Variants in HHIPL1 observed in about 807,000 individuals in gnomAD.
HHIPL1 encodes HHIP-like protein 1.
In HHIPL1, 43 loss-of-function variants were observed where a neutral mutation model predicts 61.8. The ratio of observed to expected loss-of-function variants is 0.70; its 90% CI spans 0.55 to 0.90. The LOEUF is 0.90. Ranked by LOEUF, HHIPL1 falls within the 40% of genes least tolerant of loss-of-function variation. HHIPL1 has a pLI of 0.00. For missense variants in HHIPL1, 1,056 were observed against 1,157.7 expected (o/e 0.91, Z 1.28); for synonymous variants, 482 against 515.8 (o/e 0.93, Z 0.89).
chr14:99,662,158 A>G (rs1057499265), intron 5 of HHIPL1, among the ~76,000 whole-genome samples: 4 of 152,140 alleles, frequency 2.6e-5, no homozygotes, highest in African/African-American at 9.7e-5. Context: ...AGAGATGAAT[A>G]GGACCCCTCG....
At position 99,653,876 on chromosome 14, in the gene HHIPL1, CAGTT is replaced by C. The variant is rs1167899615; in HGVS notation, c.902+1008_902+1011del. Among the ~76,000 whole-genome samples, 6 of 152,320 alleles carry C rather than the reference CAGTT, an allele frequency of 3.9e-5. No individual in the cohort carries two copies. The South Asian group carries it at 8.3e-4, about 21-fold the overall frequency. On this transcript the variant is annotated intron_variant, in intron 2 of 8. Coordinates refer to ENST00000330710, the MANE Select transcript of HHIPL1 (RefSeq NM_001127258.3). ...ATAGGTAGAATTTGATCCTGGGAGT[CAGTT>C]ACTCATGTGTTAGAAATGATAAAAG...
upstream of HHIPL1, among the ~76,000 whole-genome samples, chr14:99,642,637 T>G (rs1476317728): frequency 6.6e-6 from 1 of 151,796 alleles, no homozygotes; most frequent in Non-Finnish European, 1.5e-5. Flanking sequence ...GCCATTCTCC[T>G]GCCTCGGCCT....
chr14:99,663,128 G>A, intron 6 of HHIPL1, 107 bp downstream of exon 6: 1 of 1,107,120 alleles, frequency 9.0e-7, no homozygotes, highest in Non-Finnish European at 1.3e-6. Flanking sequence ...ACACAGGCCT[G>A]AAATTAGTTC....
At position 99,675,432 on chromosome 14, in the gene HHIPL1, G is replaced by C. The variant is rs908293012; in HGVS notation, c.2155G>C (p.Ala719Pro). 3 of 1,536,618 alleles carry C rather than the reference G, an allele frequency of 2.0e-6. No homozygotes were observed. Among genetic ancestry groups the C allele is most frequent in the Non-Finnish European group, 2.6e-6 (3 of 1,145,260 alleles). The change falls in exon 9 of 9, where the codon GCC becomes CCC. Residue 719 changes from alanine to proline, a missense_variant. Coordinates refer to ENST00000330710, the MANE Select transcript of HHIPL1 (RefSeq NM_001127258.3). The surrounding 1 kb of genome is among the most constrained non-coding windows in gnomAD (Gnocchi z 5.4). ...CGTCGTGTGTCGCCAGCTGGGGTTT[G>C]CCTACGCCGTGCGCGCCGTCAAGAG... is the stretch of plus-strand genomic sequence containing the variant. ...AAVVCRQLGFAYAVRAVKRAE... is the reference protein window; with the variant it reads ...AAVVCRQLGFPYAVRAVKRAE...
chr14:99,611,010 C>A, the HHIPL1 span, among the ~76,000 whole-genome samples: 3 of 152,328 alleles, frequency 2.0e-5, no homozygotes, highest in South Asian at 6.2e-4. Flanking sequence ...CCCTGTCCCC[C>A]ACTTTAAAAA....
the HHIPL1 span, among the ~76,000 whole-genome samples, chr14:99,616,158 C>A: frequency 6.6e-6 from 1 of 152,224 alleles, no homozygotes; most frequent in Admixed American, 6.5e-5. Flanking sequence ...TTTAGACACA[C>A]AAATTCTTGC....
chr14:99,644,013 C>G (rs1270911358), upstream of HHIPL1, among the ~76,000 whole-genome samples: 1 of 152,152 alleles, frequency 6.6e-6, no homozygotes, highest in South Asian at 2.1e-4. Flanking sequence ...GCTTCAAGTC[C>G]CTGCGTTAAA....
chr14:99,666,913 C>CAGCTGTGTAACT (rs2056255182), intron 6 of HHIPL1, among the ~76,000 whole-genome samples: 1 of 152,064 alleles, frequency 6.6e-6, no homozygotes, highest in South Asian at 2.1e-4. Context: ...GGGTCTACCC[C>CAGCTGTGTAACT]GGTTACACAA....
chr14:99,616,133 T>C, the HHIPL1 span, among the ~76,000 whole-genome samples: 2,500 of 152,346 alleles, frequency 0.016, 40 homozygotes, highest in Non-Finnish European at 0.024. Flanking sequence ...GTGTTCTTAC[T>C]GTACCTTTTC....
the HHIPL1 span, among the ~76,000 whole-genome samples, chr14:99,635,574 T>A: frequency 1.3e-5 from 2 of 152,220 alleles, no homozygotes; most frequent in East Asian, 3.9e-4. Context: ...TCTGAAGGCA[T>A]CATTAGTTCT....
chr14:99,668,243 CAG>C lies in HHIPL1; in HGVS notation c.1671_1672del (p.Glu559AlafsTer15), dbSNP rs2056278222. 2 of 1,611,722 alleles carry C rather than the reference CAG, an allele frequency of 1.2e-6. No homozygotes were observed. The highest frequency in any genetic ancestry group is 1.7e-6 in the Non-Finnish European group (2 of 1,177,868). On this transcript the variant is annotated frameshift_variant, in exon 7 of 9. Transcript: ENST00000330710. LOFTEE classifies it high-confidence loss of function. The surrounding 1 kb of genome is among the most constrained non-coding windows in gnomAD (Gnocchi z 4.7). ...AAAGGGGAGCTGTACTTCATGTCGA[CAG>C]GGGAGCCGAGTGCCACAGCTCCACG...
chr14:99,659,629 C>A lies in HHIPL1; in HGVS notation c.1248C>A (p.Phe416Leu). 6.4e-7 allele frequency: 1 copy of A among 1,552,192 alleles called. No homozygotes were observed. Among genetic ancestry groups the A allele is most frequent in the Non-Finnish European group, 8.7e-7 (1 of 1,153,622 alleles). ...PSSGTGRGRL[F>L]CGDVGQNKFE... Reference sequence around the variant, plus strand: ...CGGGCACTGGCCGCGGGCGCCTCTTCTGCGGCGACGTGGGCCAGAACAAGT... The same window carrying A: ...CGGGCACTGGCCGCGGGCGCCTCTTATGCGGCGACGTGGGCCAGAACAAGT... The change falls in exon 4 of 9, where the codon TTC becomes TTA. Residue 416 changes from phenylalanine (F) to leucine (L), a missense_variant. Coordinates refer to ENST00000330710, the MANE Select transcript of HHIPL1 (RefSeq NM_001127258.3).
chr14:99,673,391 C>G (rs2056345995), intron 8 of HHIPL1, among the ~76,000 whole-genome samples: 1 of 150,730 alleles, frequency 6.6e-6, no homozygotes, highest in Non-Finnish European at 1.5e-5. Flanking sequence ...AGACTAGGCC[C>G]TGTTCTGGCT....
At chr14:99,637,257 AAAGAAAG>A in the HHIPL1 span, among the ~76,000 whole-genome samples, 1 of 147,968 alleles carries the variant, frequency 6.8e-6, no homozygotes, top group South Asian at 2.1e-4. Context: ...AGAAAGAAAG[AAAGAAAG>A]AAAAAGTGTG....
At chr14:99,629,461 A>G in the HHIPL1 span, among the ~76,000 whole-genome samples, 2 of 152,006 alleles carry the variant, frequency 1.3e-5, no homozygotes, top group Non-Finnish European at 2.9e-5. Flanking sequence ...GGGCGTAGGC[A>G]CAGGGTAGGA....
chr14:99,645,380 G>A lies in HHIPL1; in HGVS notation c.173G>A (p.Arg58His), dbSNP rs1253223677. 1.4e-6 allele frequency: 2 copies of A among 1,444,586 alleles called. No individual in the cohort carries two copies. The highest frequency in any genetic ancestry group is 1.8e-6 in the Non-Finnish European group (2 of 1,102,534). 89.5% of individuals were successfully genotyped at this position (1,444,586 alleles called of 1,614,324 possible). The part of the protein sequence containing the change: ...CDEGRDAELT[R>H]RFWALASRVD... Reference sequence around the variant, plus strand: ...GAGGGGCGCGACGCCGAGCTGACCCGCCGCTTCTGGGCCCTGGCGAGCCGC... The same window carrying A: ...GAGGGGCGCGACGCCGAGCTGACCCACCGCTTCTGGGCCCTGGCGAGCCGC... Residue 58 changes from arginine (R) to histidine (H), a missense_variant, in exon 1 of 9, where the codon CGC becomes CAC. Transcript: ENST00000330710.
chr14:99,622,999 A>G, the HHIPL1 span, among the ~76,000 whole-genome samples: 3 of 152,244 alleles, frequency 2.0e-5, no homozygotes, highest in African/African-American at 7.2e-5. Flanking sequence ...CCCATGTGCT[A>G]TGGAACTGCC....
intron 2 of HHIPL1, among the ~76,000 whole-genome samples, chr14:99,653,072 A>G (rs955875313): frequency 1.3e-5 from 2 of 152,218 alleles, no homozygotes; most frequent in African/African-American, 4.8e-5. Flanking sequence ...AAACCCCTCC[A>G]TCTGGCCTGT....
intron 3 of HHIPL1, 79 bp downstream of exon 3, chr14:99,657,222 C>T (rs35826699): frequency 5.1e-5 from 77 of 1,495,276 alleles, no homozygotes; most frequent in Non-Finnish European, 6.7e-5. Context: ...GGGTGAGTTC[C>T]TTCCTCGGCC....
Sources: gnomAD v4.1 joint callset for allele counts (sites outside exome capture counted in the v4.1 genomes callset) on GRCh38, gnomAD v4.1.1 for gene constraint, Gnocchi (gnomAD v3.1) non-coding constraint, MANE v1.5 for transcripts, NCBI Gene and HGNC (gene_info 2026-07-23, HGNC 2026-07-21) for gene names.